SLC12A8: variants seen among roughly 807,000 people sequenced by gnomAD.
SLC12A8 encodes solute carrier family 12 member 8.
In SLC12A8, 69 loss-of-function variants were observed where a neutral mutation model predicts 75.6. That is an observed-to-expected ratio of 0.91 (90% CI 0.75 to 1.11). SLC12A8 has a LOEUF of 1.11. Among genes scored for constraint, SLC12A8 ranks in the 50% most tolerant of loss-of-function variants. The pLI is 0.00. For synonymous variants in SLC12A8, 365 were observed against 372.8 expected (o/e 0.98, Z 0.24); for missense variants, 877 against 896.7 (o/e 0.98, Z 0.28).
intron 4 of SLC12A8, among the ~76,000 whole-genome samples, chr3:125,185,647 A>G (rs1369056485): frequency 2.0e-5 from 3 of 152,208 alleles, no homozygotes; most frequent in African/African-American, 7.2e-5. Flanking sequence ...CACCAAAACC[A>G]GACAAAGAAT....
intron 2 of SLC12A8, among the ~76,000 whole-genome samples, chr3:125,199,206 A>C (rs192979690): frequency 6.6e-6 from 1 of 152,358 alleles, no homozygotes; most frequent in Admixed American, 6.5e-5. Context: ...GATGTCTGCA[A>C]ATTGTTTTTA....
At chr3:125,160,568 C>A (rs935034805) in intron 5 of SLC12A8, among the ~76,000 whole-genome samples, 1 of 152,220 alleles carries the variant, frequency 6.6e-6, no homozygotes, top group Non-Finnish European at 1.5e-5. Context: ...GTGTCCACAG[C>A]CTTTGCCATC....
At chr3:125,210,412 G>A (rs562774123) in intron 2 of SLC12A8, among the ~76,000 whole-genome samples, 2 of 152,324 alleles carry the variant, frequency 1.3e-5, no homozygotes, top group South Asian at 4.1e-4. Context: ...TAGGGCTGAG[G>A]CTGAAGAGTT....
chr3:125,156,092 C>T (rs936682471), intron 5 of SLC12A8, among the ~76,000 whole-genome samples: 4 of 152,218 alleles, frequency 2.6e-5, no homozygotes, highest in African/African-American at 7.2e-5. Context: ...CCGGCTGCCT[C>T]ATCATGCTCT....
In SLC12A8 at chr3:125,135,670, T is replaced by C. The variant is rs1409822042; in HGVS notation, c.735A>G (p.Thr245=). 3 of 1,592,280 alleles carry C rather than the reference T, an allele frequency of 1.9e-6. No individual in the cohort carries two copies. Among genetic ancestry groups the C allele is most frequent in the Non-Finnish European group, 2.6e-6 (3 of 1,167,852 alleles). The part of the protein sequence containing the change: ...TVFGVFFPAA[T]GVMAGFNMGG... The stretch of plus-strand genomic sequence containing the variant: ...AAAAAAGAACCCAGATTACAATACC[T>C]GTAGCCGCTGGGAAGAAAACCCCAA... The change falls in exon 6 of 14, where the codon ACA becomes ACG. Residue 245 remains threonine (T), a splice_region_variant and synonymous_variant. Transcript: ENST00000469902.
intron 9 of SLC12A8, among the ~76,000 whole-genome samples, chr3:125,109,673 C>T (rs1164326186): frequency 6.6e-6 from 1 of 152,172 alleles, no homozygotes; most frequent in Non-Finnish European, 1.5e-5. Flanking sequence ...AACTGAGCTG[C>T]CCTTTATGTA....
chr3:125,179,698 C>T (rs1160442850), intron 4 of SLC12A8, among the ~76,000 whole-genome samples: 1 of 127,988 alleles, frequency 7.8e-6, no homozygotes, highest in Non-Finnish European at 1.7e-5. Flanking sequence ...GAAATACAAT[C>T]ATTTCTGAGA....
At chr3:125,165,029 G>A (rs889011067) in intron 5 of SLC12A8, among the ~76,000 whole-genome samples, 9 of 152,220 alleles carry the variant, frequency 5.9e-5, no homozygotes, top group Non-Finnish European at 1.2e-4. Context: ...CAGGAAGGTG[G>A]CTGGAGACTG....
intron 10 of SLC12A8, 67 bp from the exon 11 acceptor site, chr3:125,092,265 T>G: frequency 1.8e-6 from 2 of 1,099,636 alleles, no homozygotes; most frequent in Non-Finnish European, 2.7e-6. Flanking sequence ...TAGGAAAATA[T>G]ACCTATGAGC....
In SLC12A8 at chr3:125,118,754, G is replaced by A. The variant is rs373819548; in HGVS notation, c.912+15C>T. On this transcript the variant is annotated intron_variant, in intron 8 of 13. Transcript: ENST00000469902. ...CGGCAGACTGAGCCCTTGGAGTAGC[G>A]CAGGCCTCACTCACCTTTTCCGCTA... 5.8e-5 allele frequency: 92 copies of A among 1,597,998 alleles called. No individual in the cohort carries two copies. Among genetic ancestry groups the A allele is most frequent in the Admixed American group, 3.3e-4 (20 of 59,752 alleles).
At chr3:125,147,320 C>G in intron 5 of SLC12A8, among the ~76,000 whole-genome samples, 1 of 152,208 alleles carries the variant, frequency 6.6e-6, no homozygotes, top group East Asian at 1.9e-4. Flanking sequence ...GCCATATCAC[C>G]TGACCTTGCA....
chr3:125,112,705 C>G (rs959051879), intron 8 of SLC12A8, among the ~76,000 whole-genome samples: 4 of 152,120 alleles, frequency 2.6e-5, no homozygotes, highest in African/African-American at 9.7e-5. Context: ...CCAAATGCAG[C>G]CTATGTTGAC....
chr3:125,153,039 A>G (rs1440043854), intron 5 of SLC12A8, among the ~76,000 whole-genome samples: 3 of 152,210 alleles, frequency 2.0e-5, no homozygotes, highest in Non-Finnish European at 2.9e-5. Flanking sequence ...CTTTGGAGAC[A>G]GTGCTCTGAC....
intron 4 of SLC12A8, among the ~76,000 whole-genome samples, chr3:125,179,828 C>T (rs1428293807): frequency 1.3e-5 from 2 of 152,048 alleles, no homozygotes; most frequent in African/African-American, 2.4e-5. Context: ...GTGATAGTGA[C>T]GTTATTTCAT....
In SLC12A8 at chr3:125,189,221, G is replaced by A. The variant is rs527606705; in HGVS notation, c.198+1154C>T. Among the ~76,000 whole-genome samples the A allele has an allele frequency of 8.5e-5, 13 of 152,316 alleles. No homozygotes were observed. The South Asian group carries it at 1.4e-3, about 17-fold the overall frequency. ...AAAGAGGAAGGAATTCTGCCTCCAG[G>A]CTGCAATACAGAAATTCTTCCTGCA... is the stretch of plus-strand genomic sequence containing the variant. On this transcript the variant is annotated intron_variant, in intron 3 of 13. Coordinates refer to ENST00000469902, the MANE Select transcript of SLC12A8 (RefSeq NM_024628.6).
chr3:125,176,646 T>C (rs909570025), intron 5 of SLC12A8, among the ~76,000 whole-genome samples: 14 of 151,814 alleles, frequency 9.2e-5, no homozygotes, highest in East Asian at 5.8e-4. Context: ...CAAACAACCC[T>C]ATCAAAAAGG....
intron 5 of SLC12A8, among the ~76,000 whole-genome samples, chr3:125,160,399 T>C (rs1165936699): frequency 1.3e-5 from 2 of 152,224 alleles, no homozygotes; most frequent in East Asian, 1.9e-4. Context: ...GCCCGGCATA[T>C]AGTAATGCTC....
chr3:125,199,339 A>G (rs1351687834), intron 2 of SLC12A8, among the ~76,000 whole-genome samples: 1 of 152,170 alleles, frequency 6.6e-6, no homozygotes, highest in African/African-American at 2.4e-5. Flanking sequence ...GGGGTTTTTT[A>G]TTGTATTATT....
At chr3:125,209,994 T>C (rs915640863) in intron 2 of SLC12A8, among the ~76,000 whole-genome samples, 1 of 152,200 alleles carries the variant, frequency 6.6e-6, no homozygotes, top group Non-Finnish European at 1.5e-5. Flanking sequence ...TTCTAAATCA[T>C]GAACACCAAA....
Sources: gnomAD v4.1 joint callset for allele counts (sites outside exome capture counted in the v4.1 genomes callset) on GRCh38, gnomAD v4.1.1 for gene constraint, MANE v1.5 for transcripts, NCBI Gene and HGNC (gene_info 2026-07-23, HGNC 2026-07-21) for gene names.